The following HADH variants were observed in gnomAD, a reference collection of about 807,000 sequenced individuals.
HADH encodes hydroxyacyl-CoA dehydrogenase.
A neutral mutation model predicts 32.2 loss-of-function variants in HADH; 24 were observed. The ratio of observed to expected loss-of-function variants is 0.75; its 90% CI spans 0.54 to 1.05. The LOEUF (loss-of-function observed/expected upper bound fraction) is 1.05. HADH is among the 50% of genes least tolerant of loss of function. The pLI is 0.00. For missense variants in HADH, 350 were observed against 397.1 expected (o/e 0.88, Z 1.01); for synonymous variants, 139 against 152.5 (o/e 0.91, Z 0.65).
intron 2 of HADH, among the ~76,000 whole-genome samples, chr4:108,012,677 A>G (rs979067765): frequency 2.0e-5 from 3 of 152,248 alleles, no homozygotes; most frequent in African/African-American, 7.2e-5. Flanking sequence ...GGAACAGGCT[A>G]TGACCTAATG....
rs1247436070 is a variant in HADH at position 108,027,839 on chromosome 4, G to A, written c.709+79G>A. ...TCTGGAATTCTCAGTGTCTCTAGGA[G>A]GGGTCGGGCCGTGCACAATGGAGGA... On this transcript the variant is annotated intron_variant, in intron 6 of 7. Transcript: ENST00000309522. 6.9e-6 allele frequency: 6 copies of A among 866,166 alleles called. No homozygotes were observed. The Admixed American group carries it at 1.0e-4, about 15-fold the overall frequency. 53.7% of individuals were successfully genotyped at this position (866,166 alleles called of 1,614,324 possible).
intron 6 of HADH, chr4:108,031,864 A>C (rs1029468013): frequency 1.3e-5 from 2 of 152,786 alleles, no homozygotes; most frequent in African/African-American, 4.8e-5. Flanking sequence ...GAATGAATGA[A>C]TGACGCTGCC....
At chr4:108,032,091 A>C in intron 6 of HADH, 1 of 401,270 alleles carries the variant, frequency 2.5e-6, no homozygotes, top group Non-Finnish European at 4.4e-6. Flanking sequence ...TCGATGTTTA[A>C]GTAGTTTCTC....
chr4:108,021,762 C>T (rs1276470454), intron 4 of HADH, among the ~76,000 whole-genome samples: 4 of 152,132 alleles, frequency 2.6e-5, no homozygotes, highest in Admixed American at 2.6e-4. Context: ...CTTTTTAGAC[C>T]TCCTTTCAAA....
Position 108,024,773 on chromosome 4 carries a change from CAG to C in HADH, c.636+1212_636+1213del, listed in dbSNP as rs536171926. On this transcript the variant is annotated intron_variant, in intron 5 of 7. Transcript: ENST00000309522. ...TGTGCAAGACAAAAAGATATGGAAA[CAG>C]AAGTACAGGGAAAAGCTAATGATTA... is the stretch of plus-strand genomic sequence containing the variant. 5.9e-5 allele frequency: 9 copies of C among 152,296 alleles called. No homozygotes were observed. The East Asian group carries it at 1.7e-3, about 29-fold the overall frequency. 9.4% of individuals were successfully genotyped at this position (152,296 alleles called of 1,614,324 possible).
chr4:108,011,818 C>A (rs1191611356), intron 2 of HADH, among the ~76,000 whole-genome samples: 1 of 152,086 alleles, frequency 6.6e-6, no homozygotes, highest in East Asian at 1.9e-4. Flanking sequence ...TGCTATTTTC[C>A]ATGTTTGTTT....
At chr4:108,023,421 A>G (rs1735958106) in intron 4 of HADH, 53 bp from the exon 5 acceptor site, 5 of 1,007,306 alleles carry the variant, frequency 5.0e-6, no homozygotes, top group African/African-American at 1.6e-5. Flanking sequence ...GAACCATTCT[A>G]CCGAAGTTGC....
At chr4:108,012,128 C>T (rs1735518745) in intron 2 of HADH, among the ~76,000 whole-genome samples, 2 of 151,776 alleles carry the variant, frequency 1.3e-5, no homozygotes, top group African/African-American at 4.8e-5. Flanking sequence ...AACTCCTGGC[C>T]TCAAGTGATC....
At chr4:107,996,590 A>G (rs1231737458) in intron 1 of HADH, among the ~76,000 whole-genome samples, 1 of 152,164 alleles carries the variant, frequency 6.6e-6, no homozygotes, top group Non-Finnish European at 1.5e-5. Flanking sequence ...CAATTAATTT[A>G]ACTGTTTGAA....
chr4:107,999,127 CTG>C (rs1178631484), intron 1 of HADH, among the ~76,000 whole-genome samples: 2 of 152,216 alleles, frequency 1.3e-5, no homozygotes, highest in Non-Finnish European at 2.9e-5. Context: ...GCTTATGTGT[CTG>C]TGGCCATCTC....
chr4:108,032,487 A>G (rs1736306270), intron 6 of HADH: 2 of 602,704 alleles, frequency 3.3e-6, no homozygotes, highest in South Asian at 5.3e-5. Flanking sequence ...TACATACAAA[A>G]GCAGAAAGCT....
At chr4:107,990,743 C>CTTTTTTTT (rs553014808) in intron 1 of HADH, among the ~76,000 whole-genome samples, 5 of 111,844 alleles carry the variant, frequency 4.5e-5, no homozygotes, top group African/African-American at 7.3e-5. Flanking sequence ...AAGTCTCTCT[C>CTTTTTTTT]TTTTTTTTTT....
intron 2 of HADH, 68 bp downstream of exon 2, chr4:108,009,955 G>T: frequency 9.4e-7 from 1 of 1,062,736 alleles, no homozygotes; most frequent in South Asian, 1.4e-5. Context: ...GGGCAATGGG[G>T]GATTTCTGGC....
intron 1 of HADH, among the ~76,000 whole-genome samples, chr4:108,002,640 C>T (rs981571946): frequency 1.3e-5 from 2 of 152,216 alleles, no homozygotes; most frequent in African/African-American, 4.8e-5. Flanking sequence ...AATTGTCTCC[C>T]ATGTCTTCCT....
intron 3 of HADH, among the ~76,000 whole-genome samples, chr4:108,016,443 A>G (rs1735697088): frequency 6.6e-6 from 1 of 152,176 alleles, no homozygotes. Flanking sequence ...GTCCTCGTGC[A>G]TTTCACACTG....
At chr4:108,032,845 G>A (rs1736321750) in intron 6 of HADH, 2 of 372,594 alleles carry the variant, frequency 5.4e-6, no homozygotes, top group South Asian at 4.7e-5. Flanking sequence ...AGCCTTGTGT[G>A]GGGGCGCACA....
intron 3 of HADH, among the ~76,000 whole-genome samples, chr4:108,018,685 C>T (rs1159248079): frequency 6.6e-6 from 1 of 152,112 alleles, no homozygotes; most frequent in African/African-American, 2.4e-5. Context: ...CAAGCCTGGT[C>T]AGTAAGGGAT....
At chr4:107,994,836 T>A (rs1187487600) in intron 1 of HADH, among the ~76,000 whole-genome samples, 1 of 152,192 alleles carries the variant, frequency 6.6e-6, no homozygotes, top group Non-Finnish European at 1.5e-5. Flanking sequence ...ATATTAGTTA[T>A]TGGACTCTGG....
chr4:108,006,427 T>G (rs1172548579), intron 1 of HADH, among the ~76,000 whole-genome samples: 1 of 152,168 alleles, frequency 6.6e-6, no homozygotes, highest in African/African-American at 2.4e-5. Flanking sequence ...CACCCCAGAC[T>G]AGAGGAATTA....
Sources: gnomAD v4.1 joint callset for allele counts (sites outside exome capture counted in the v4.1 genomes callset) on GRCh38, gnomAD v4.1.1 for gene constraint, MANE v1.5 for transcripts, NCBI Gene and HGNC (gene_info 2026-07-23, HGNC 2026-07-21) for gene names.